BRD8: variants seen among roughly 807,000 people sequenced by gnomAD.
BRD8 encodes the protein bromodomain containing 8.
BRD8 carries 67 observed loss-of-function variants against 143.1 expected under a neutral mutation model. That is an observed-to-expected ratio of 0.47 (90% CI 0.38 to 0.57). The LOEUF (loss-of-function observed/expected upper bound fraction) is 0.57. BRD8 is among the 20% of genes least tolerant of loss of function. The pLI, the probability that BRD8 is intolerant of heterozygous loss-of-function variation, is 0.00. For missense variants in BRD8, 1,103 were observed against 1,503.0 expected, an observed-to-expected ratio of 0.73 and a Z score of 4.40; for synonymous variants, 505 against 517.1, an observed-to-expected ratio of 0.98 and a Z score of 0.32.
intron 4 of BRD8, 99 bp from the exon 5 acceptor site, chr5:138,171,259 A>AT (rs997273695): frequency 1.4e-6 from 2 of 1,418,660 alleles, no homozygotes; most frequent in African/African-American, 1.4e-5. Flanking sequence ...AACTTCTGCT[A>AT]TTTTTTAATC....
At position 138,177,681 on chromosome 5, in the gene BRD8, A is replaced by AG. The variant is rs750278036; in HGVS notation, c.20-15_20-14insC. 5.5e-5 allele frequency: 53 copies of AG among 968,112 alleles called. No individual in the cohort carries two copies. In the African/African-American group the frequency reaches 1.9e-3, roughly 35 times the overall value. The allele number at this position is 968,112 out of a possible 1,614,324, so 60.0% of individuals were successfully genotyped here. ...GCAGCTTGTGTTCTGGGAAAGGGAG[A>AG]AAAAAAAAAAAGCCTTGGAAACAAC... On this transcript the variant is annotated splice_polypyrimidine_tract_variant and intron_variant, in intron 1 of 26. Transcript: ENST00000254900.
At chr5:138,160,674 C>T (rs1052233551) in intron 18 of BRD8, among the ~76,000 whole-genome samples, 1 of 152,176 alleles carries the variant, frequency 6.6e-6, no homozygotes, top group African/African-American at 2.4e-5. Context: ...CTTTATGAAA[C>T]TGCAAATAAT....
In BRD8 at chr5:138,164,863, C is replaced by T. The variant is rs377723469; in HGVS notation, c.1582G>A (p.Val528Ile). The change falls in exon 12 of 27, where the codon GTT (valine) becomes ATT (isoleucine). Residue 528 changes from valine to isoleucine, a missense_variant. Transcript: ENST00000254900. ...GGCTCCATACTTGTGGCTGGAACAA[C>T]TCCAGCTACTATTTCGGCTCCTGAA... ...VISGAEIVAGVVPATSMEPPE... is the reference protein window; with the variant it reads ...VISGAEIVAGIVPATSMEPPE... 1.2e-6 allele frequency: 2 copies of T among 1,614,094 alleles called. No individual in the cohort carries two copies. Among genetic ancestry groups the T allele is most frequent in the African/African-American group, 1.3e-5 (1 of 74,942 alleles).
intron 24 of BRD8, 133 bp from the exon 25 acceptor site, chr5:138,145,378 T>A: frequency 1.5e-6 from 1 of 685,676 alleles, no homozygotes; most frequent in Non-Finnish European, 2.5e-6. Context: ...AAAATCTATT[T>A]GTTCCCTCTT....
intron 20 of BRD8, chr5:138,157,010 A>C: frequency 2.1e-6 from 3 of 1,428,640 alleles, no homozygotes; most frequent in Non-Finnish European, 2.7e-6. Context: ...TTAGGACATT[A>C]ACATAGCCCA....
At position 138,165,148 on chromosome 5, in the gene BRD8, C is replaced by T. The variant is rs756674659; in HGVS notation, c.1297G>A (p.Val433Met). The T allele has an allele frequency of 2.3e-5, 37 of 1,613,888 alleles. No individual in the cohort carries two copies. Among genetic ancestry groups the T allele is most frequent in the Non-Finnish European group, 3.0e-5 (35 of 1,179,998 alleles). ...GCTTCCACTGCTGCCACATCCAGCA[C>T]TTCAGGATGATCATCTACCTGTCCC... ...IEDKVDDHPE[V>M]LDVAAVEAAL... Residue 433 changes from valine (V) to methionine (M), a missense_variant, in exon 12 of 27, where the codon GTG becomes ATG. Transcript: ENST00000254900.
chr5:138,172,580 C>CT (rs1753960913), intron 2 of BRD8: 2 of 290,652 alleles, frequency 6.9e-6, no homozygotes, highest in South Asian at 5.1e-5. Flanking sequence ...TGGACCGTGC[C>CT]TGTAATCCCA....
At chr5:138,140,569 C>T (rs532002314) in intron 26 of BRD8, 136 bp downstream of exon 26, 2 of 1,018,496 alleles carry the variant, frequency 2.0e-6, no homozygotes, top group East Asian at 2.4e-5. Context: ...AACCAGCAGG[C>T]ACATTATCAA....
chr5:138,156,425 A>G (rs1177426498), intron 20 of BRD8, among the ~76,000 whole-genome samples: 1 of 152,194 alleles, frequency 6.6e-6, no homozygotes, highest in Non-Finnish European at 1.5e-5. Context: ...GGCATGAGCC[A>G]CCACGCCCGG....
At chr5:138,163,976 C>G in intron 14 of BRD8, 111 bp downstream of exon 14, 2 of 1,286,914 alleles carry the variant, frequency 1.6e-6, no homozygotes, top group Non-Finnish European at 2.2e-6. Flanking sequence ...CAACTCCATA[C>G]CAGTCTCTTA....
chr5:138,151,886 G>A (rs1370963132), intron 21 of BRD8, among the ~76,000 whole-genome samples: 2 of 151,182 alleles, frequency 1.3e-5, no homozygotes, highest in Non-Finnish European at 2.9e-5. Flanking sequence ...ACAGAGTTTC[G>A]CTCTGTCGCC....
rs779614650 is a variant in BRD8 at position 138,159,587 on chromosome 5, T to C, written c.2545A>G (p.Met849Val). ...GAGAGAAGGAAGGCAGGAGAGCCCA[T>C]TGGGACACTGTCCTGTTAGAGGACA... ...QDASEKDSVP[M>V]GSPAFLLSLF... The change falls in exon 20 of 27, where the codon ATG becomes GTG. Residue 849 changes from methionine (M) to valine (V), a missense_variant. Coordinates refer to ENST00000254900, the MANE Select transcript of BRD8 (RefSeq NM_139199.2). 11 of 1,614,078 alleles carry C rather than the reference T, an allele frequency of 6.8e-6. No homozygotes were observed. Among genetic ancestry groups the C allele is most frequent in the East Asian group, 4.5e-5 (2 of 44,868 alleles).
Position 138,169,319 on chromosome 5 carries a change from G to C in BRD8, c.545C>G (p.Thr182Ser), listed in dbSNP as rs763197127. ...AVKTPPRRLPTVMVRSPIDSA... is the reference protein window; with the variant it reads ...AVKTPPRRLPSVMVRSPIDSA... ...ATCTATAGGAGAGCGAACCATCACAGTGGGTAACCTCCGGGGGGGTGTTTT... is the reference window on the plus strand; with the variant it reads ...ATCTATAGGAGAGCGAACCATCACACTGGGTAACCTCCGGGGGGGTGTTTT... Residue 182 changes from threonine to serine, a missense_variant, in exon 8 of 27, where the codon ACT becomes AGT. This residue lies in a region of BRD8 where 334 missense variants were observed against 372.5 expected (regional missense o/e 0.90). Coordinates refer to ENST00000254900, the MANE Select transcript of BRD8 (RefSeq NM_139199.2). 6.2e-7 allele frequency: 1 copy of C among 1,614,154 alleles called. No homozygotes were observed. The highest frequency in any genetic ancestry group is 8.5e-7 in the Non-Finnish European group (1 of 1,180,008).
intron 8 of BRD8, chr5:138,168,610 G>T: frequency 6.2e-7 from 1 of 1,606,440 alleles, no homozygotes; most frequent in East Asian, 2.2e-5. Context: ...GCTTCTAAGG[G>T]TGCAGAGCCT....
At chr5:138,174,995 T>C (rs924690715) in intron 2 of BRD8, among the ~76,000 whole-genome samples, 1 of 150,726 alleles carries the variant, frequency 6.6e-6, no homozygotes, top group African/African-American at 2.4e-5. Context: ...GTTCACACCA[T>C]TCTCCTGCCT....
At position 138,167,921 on chromosome 5, in the gene BRD8, A is replaced by G. The variant is rs774126081; in HGVS notation, c.787+13T>C. The G allele has an allele frequency of 1.2e-6, 2 of 1,612,224 alleles. No homozygotes were observed. The highest frequency in any genetic ancestry group is 2.7e-5 in the African/African-American group (2 of 74,896). ...ACACCTTTGAGGTTGATAAAGGAAA[A>G]GTGGTAACTTACCTGATGCAGCAGG... On this transcript the variant is annotated intron_variant, in intron 9 of 26. Transcript: ENST00000254900.
chr5:138,172,198 G>A, intron 2 of BRD8, 64 bp from the exon 3 acceptor site: 1 of 1,337,924 alleles, frequency 7.5e-7, no homozygotes, highest in Non-Finnish European at 1.1e-6. Flanking sequence ...TATGCTGAGA[G>A]TGCAAGGCTT....
chr5:138,163,431 A>G (rs1753160833), intron 14 of BRD8, 87 bp from the exon 15 acceptor site: 1 of 1,507,608 alleles, frequency 6.6e-7, no homozygotes. Context: ...TTGGGTTAGA[A>G]TTAGTTCTAG....
At chr5:138,168,372 T>C in intron 8 of BRD8, 1 of 875,226 alleles carries the variant, frequency 1.1e-6, no homozygotes, top group Non-Finnish European at 1.9e-6. Flanking sequence ...TTTTCCTCTT[T>C]TGAACTTTTA....
Sources: allele counts gnomAD v4.1 joint callset (sites outside exome capture counted in the v4.1 genomes callset), GRCh38; gene constraint gnomAD v4.1.1; regional missense constraint gnomAD v4.1.1; transcripts MANE v1.5; gene names NCBI Gene and HGNC (gene_info 2026-07-23, HGNC 2026-07-21).